HMCN1: variants seen among roughly 807,000 people sequenced by gnomAD.
HMCN1 encodes hemicentin 1, also known as hemicentin-1.
In HMCN1, 321 loss-of-function variants were observed where a neutral mutation model predicts 625.9. The ratio of observed to expected loss-of-function variants is 0.51; its 90% CI spans 0.47 to 0.56. The LOEUF (loss-of-function observed/expected upper bound fraction) is 0.56. Ranked by LOEUF, HMCN1 falls within the 20% of genes least tolerant of loss-of-function variation. HMCN1 has a pLI of 0.00. For missense variants in HMCN1, 6,588 were observed against 6,887.3 expected (o/e 0.96, Z 1.54); for synonymous variants, 2,425 against 2,417.6 (o/e 1.00, Z -0.09).
At chr1:185,773,995 A>C (rs1656424485) in intron 1 of HMCN1, among the ~76,000 whole-genome samples, 1 of 152,178 alleles carries the variant, frequency 6.6e-6, no homozygotes, top group African/African-American at 2.4e-5. Context: ...GATTCAGAAA[A>C]GCTATGCGTG....
chr1:185,822,946 T>C (rs1340015496), intron 1 of HMCN1, among the ~76,000 whole-genome samples: 2 of 152,142 alleles, frequency 1.3e-5, no homozygotes, highest in African/African-American at 2.4e-5. Context: ...TTAGCAAAAT[T>C]TGAACAATCT....
intron 1 of HMCN1, among the ~76,000 whole-genome samples, chr1:185,784,511 T>A (rs7532062): frequency 6.8e-6 from 1 of 147,746 alleles, no homozygotes; most frequent in African/African-American, 2.5e-5. Flanking sequence ...CACTTTTCTC[T>A]TTTTTTTTTG....
At chr1:185,856,720 T>C (rs927909112) in intron 2 of HMCN1, among the ~76,000 whole-genome samples, 2 of 152,172 alleles carry the variant, frequency 1.3e-5, no homozygotes, top group African/African-American at 4.8e-5. Context: ...AACTTAGTCA[T>C]GAGTCTATAA....
intron 1 of HMCN1, among the ~76,000 whole-genome samples, chr1:185,842,956 A>G (rs1007152550): frequency 6.6e-6 from 1 of 152,126 alleles, no homozygotes; most frequent in Non-Finnish European, 1.5e-5. Context: ...GTTAGCAGTT[A>G]TCTTCACCTC....
intron 11 of HMCN1, among the ~76,000 whole-genome samples, chr1:185,958,721 A>G (rs1034555298): frequency 6.6e-6 from 1 of 152,222 alleles, no homozygotes; most frequent in African/African-American, 2.4e-5. Context: ...GACAGACACC[A>G]TGGAGCAAGC....
chr1:186,128,282 A>G lies in HMCN1; in HGVS notation c.12895A>G (p.Ile4299Val). The G allele has an allele frequency of 1.2e-6, 2 of 1,612,324 alleles. No individual in the cohort carries two copies. Among genetic ancestry groups the G allele is most frequent in the Admixed American group, 1.7e-5 (1 of 59,934 alleles). Residue 4299 changes from isoleucine (I) to valine (V), a missense_variant, in exon 83 of 107, where the codon ATT becomes GTT. Physicochemically the swap from Ile to Val is conservative, Grantham distance 29 (BLOSUM62 3). Coordinates refer to ENST00000271588, the MANE Select transcript of HMCN1 (RefSeq NM_031935.3). ...ATTAACATGGACCTTCAATAACAAT[A>G]TTATTCCAGGTTGGTCATTTAATTC... Reference protein sequence around the residue: ...PKLTWTFNNNIIPAHFDSVNG... With the variant: ...PKLTWTFNNNVIPAHFDSVNG...
intron 68 of HMCN1, 43 bp from the exon 69 acceptor site, chr1:186,103,429 T>G: frequency 6.6e-7 from 1 of 1,525,638 alleles, no homozygotes; most frequent in Non-Finnish European, 9.1e-7. Context: ...CAATATTTTA[T>G]GAAACTGTGG....
chr1:186,041,793 G>A (rs1656225265), intron 40 of HMCN1, among the ~76,000 whole-genome samples: 1 of 151,966 alleles, frequency 6.6e-6, no homozygotes, highest in Admixed American at 6.6e-5. Flanking sequence ...TGGTTTATTT[G>A]CATTATATTC....
chr1:186,086,572 A>T (rs1292279674), intron 58 of HMCN1, among the ~76,000 whole-genome samples, 165 bp downstream of exon 58: 1 of 152,130 alleles, frequency 6.6e-6, no homozygotes, highest in Non-Finnish European at 1.5e-5. Flanking sequence ...AAGATTTTGT[A>T]GACTTCTCTG....
At chr1:186,006,000 G>T (rs1382668492) in intron 29 of HMCN1, among the ~76,000 whole-genome samples, 1 of 152,042 alleles carries the variant, frequency 6.6e-6, no homozygotes, top group East Asian at 1.9e-4. Context: ...GCCATGCGTG[G>T]TGGCAGGTGC....
intron 10 of HMCN1, among the ~76,000 whole-genome samples, chr1:185,930,697 A>G (rs1667498596): frequency 6.6e-6 from 1 of 152,068 alleles, no homozygotes; most frequent in Admixed American, 6.6e-5. Context: ...AATGTTGGTT[A>G]TTGGGTTATT....
intron 44 of HMCN1, 70 bp downstream of exon 44, chr1:186,054,056 T>A (rs1558180110): frequency 3.5e-6 from 5 of 1,419,218 alleles, no homozygotes; most frequent in African/African-American, 2.8e-5. Context: ...CATTTACTTT[T>A]AAAAATATCT....
rs542795641 is a variant in HMCN1, at chr1:186,142,053, A to G, written c.13925-2120A>G. 1.1e-4 allele frequency among the ~76,000 whole-genome samples: 16 copies of G among 152,312 alleles called. No homozygotes were observed. In the South Asian group the frequency reaches 3.1e-3, roughly 30 times the overall value. On this transcript the variant is annotated intron_variant, in intron 89 of 106. Transcript: ENST00000271588. ...AGAGGTATATGTTCAGGTTTGGTAT[A>G]TAGGTAAACTTATGACTCAGGGGTT...
In HMCN1 at chr1:185,846,113, A is replaced by G. The variant is rs1169362563; in HGVS notation, c.339+17A>G. ...TATGTTCAGGTGAGTGCTTGCTTTC[A>G]GTGTTCTCTTGGGGGAATGGAAAAT... On this transcript the variant is annotated intron_variant, in intron 2 of 106. Coordinates refer to ENST00000271588, the MANE Select transcript of HMCN1 (RefSeq NM_031935.3). 12 of 1,566,054 alleles carry G rather than the reference A, an allele frequency of 7.7e-6. No homozygotes were observed. The highest frequency in any genetic ancestry group is 1.4e-5 in the African/African-American group (1 of 73,912).
chr1:186,185,596 C>T (rs907445107), intron 105 of HMCN1, among the ~76,000 whole-genome samples: 2 of 152,190 alleles, frequency 1.3e-5, no homozygotes, highest in East Asian at 1.9e-4. Context: ...TTATTTACTC[C>T]GTATCATTCT....
chr1:186,012,399 G>T (rs545539173), intron 30 of HMCN1, among the ~76,000 whole-genome samples: 1 of 150,828 alleles, frequency 6.6e-6, no homozygotes, highest in Non-Finnish European at 1.5e-5. Flanking sequence ...GTTTTTTTTG[G>T]TATTTTTTTT....
intron 36 of HMCN1, among the ~76,000 whole-genome samples, chr1:186,032,839 A>G (rs374532976): frequency 5.9e-5 from 9 of 152,258 alleles, no homozygotes; most frequent in East Asian, 3.9e-4. Context: ...TACAACCACT[A>G]TGGAGAACAG....
intron 1 of HMCN1, among the ~76,000 whole-genome samples, chr1:185,812,565 C>A (rs1350168287): frequency 6.6e-6 from 1 of 152,140 alleles, no homozygotes; most frequent in Admixed American, 6.6e-5. Context: ...ATCTGCTTCA[C>A]ATGTACAAAG....
intron 40 of HMCN1, among the ~76,000 whole-genome samples, chr1:186,041,902 T>C (rs760636310): frequency 1.3e-5 from 2 of 152,170 alleles, no homozygotes; most frequent in Non-Finnish European, 2.9e-5. Context: ...CCTACCTCAC[T>C]TCCAAATAAT....
Sources: gnomAD v4.1 joint callset for allele counts (sites outside exome capture counted in the v4.1 genomes callset) on GRCh38, gnomAD v4.1.1 for gene constraint, MANE v1.5 for transcripts, NCBI Gene and HGNC (gene_info 2026-07-23, HGNC 2026-07-21) for gene names.